The following TBK1 variants were observed in gnomAD, a reference collection of about 807,000 sequenced individuals.
TBK1 encodes TANK binding kinase 1.
TBK1 carries 37 observed loss-of-function variants against 99.9 expected under a neutral mutation model. That is an observed-to-expected ratio of 0.37 (90% CI 0.28 to 0.49). TBK1 has a LOEUF of 0.49. TBK1 is among the 20% of genes least tolerant of loss of function. The pLI is 0.98. For missense variants in TBK1, 644 were observed against 872.5 expected (o/e 0.74, Z 3.30); for synonymous variants, 258 against 279.8 (o/e 0.92, Z 0.78).
chr12:64,458,096 C>G (rs934560760), intron 2 of TBK1, among the ~76,000 whole-genome samples: 2 of 151,262 alleles, frequency 1.3e-5, no homozygotes, highest in South Asian at 2.1e-4. Context: ...AACACACACA[C>G]ACACACACAC....
At position 64,484,489 on chromosome 12, in the gene TBK1, A is replaced by G. The variant is rs755520364; in HGVS notation, c.1179A>G (p.Ile393Met). The G allele has an allele frequency of 5.2e-5, 83 of 1,593,946 alleles. No homozygotes were observed. The highest frequency in any genetic ancestry group is 1.7e-4 in the Middle Eastern group (1 of 5,944). Reference sequence around the variant, plus strand: ...AACCTCTGAATACCATAGGATTAATATATGAAAAAAGTAAGTTGGGATTTT... The same window carrying G: ...AACCTCTGAATACCATAGGATTAATGTATGAAAAAAGTAAGTTGGGATTTT... ...SREPLNTIGL[I>M]YEKISLPKVH... The change falls in exon 9 of 21, where the codon ATA becomes ATG. Residue 393 changes from isoleucine (I) to methionine (M), a missense_variant. Around this residue, in one of 3 missense-constraint regions of TBK1, gnomAD observed 465 missense variants for 588.0 expected, o/e 0.79. Coordinates refer to ENST00000331710, the MANE Select transcript of TBK1 (RefSeq NM_013254.4).
intron 1 of TBK1, chr12:64,452,982 C>A (rs915567844): frequency 3.3e-5 from 5 of 152,206 alleles, no homozygotes; most frequent in Non-Finnish European, 7.3e-5. Context: ...TAGGCCATGT[C>A]GTCAAACCTG....
At position 64,476,353 on chromosome 12, in the gene TBK1, T is replaced by C. The variant is rs186643679; in HGVS notation, c.701+1963T>C. The stretch of plus-strand genomic sequence containing the variant: ...TTTGTATTTTTTAGTAGAGACGGGG[T>C]TTCACCATGTTAGCCAGGATGGTCT... On this transcript the variant is annotated intron_variant, in intron 6 of 20. Transcript: ENST00000331710. Among the ~76,000 whole-genome samples the C allele has an allele frequency of 3.0e-3, 458 of 151,808 alleles. 1 individual carries two copies. Among genetic ancestry groups the C allele is most frequent in the African/African-American group, 9.6e-3 (398 of 41,392 alleles).
chr12:64,483,786 C>T (rs1171452930), intron 8 of TBK1, among the ~76,000 whole-genome samples: 1 of 152,154 alleles, frequency 6.6e-6, no homozygotes, highest in African/African-American at 2.4e-5. Flanking sequence ...GCAGGTGTAT[C>T]ACTTGAGGCC....
chr12:64,466,764 C>CT (rs746703897), intron 4 of TBK1, 137 bp from the exon 5 acceptor site: 120 of 386,070 alleles, frequency 3.1e-4, no homozygotes, highest in Non-Finnish European at 4.7e-4. Flanking sequence ...ATTATCTATT[C>CT]TTTGAGTAAA....
intron 3 of TBK1, among the ~76,000 whole-genome samples, chr12:64,461,010 G>A (rs1357502854): frequency 6.6e-6 from 1 of 151,750 alleles, no homozygotes; most frequent in Non-Finnish European, 1.5e-5. Flanking sequence ...GAGCCTGAGA[G>A]GTCAAGGCTA....
In TBK1 at chr12:64,485,463, C is replaced by A; in HGVS notation, c.1198C>A (p.Pro400Thr). 1 of 1,543,812 alleles carries A rather than the reference C, an allele frequency of 6.5e-7. No individual in the cohort carries two copies. The highest frequency in any genetic ancestry group is 1.2e-5 in the South Asian group (1 of 82,028). ...TTTACTTCATATTTCAGTTTCCCTC[C>A]CTAAAGTACATCCACGTTATGATTT... ...IGLIYEKISL[P>T]KVHPRYDLDG... is the part of the protein sequence containing the mutation. The change falls in exon 10 of 21, where the codon CCT becomes ACT. Residue 400 changes from proline to threonine, a missense_variant. Pro to Thr is a conservative substitution (Grantham distance 38). This residue lies in a region of TBK1 where 465 missense variants were observed against 588.0 expected (regional missense o/e 0.79). Transcript: ENST00000331710.
intron 11 of TBK1, 68 bp from the exon 12 acceptor site, chr12:64,488,419 T>C: frequency 1.1e-6 from 1 of 871,082 alleles, no homozygotes; most frequent in Admixed American, 3.0e-5. Context: ...AGTACTGCAG[T>C]ATAATTAGTG....
Position 64,479,036 on chromosome 12 carries a change from T to C in TBK1, c.702-976T>C, listed in dbSNP as rs1434107449. Among the ~76,000 whole-genome samples, 8 of 152,212 alleles carry C rather than the reference T, an allele frequency of 5.3e-5. No individual in the cohort carries two copies. The East Asian group carries it at 1.5e-3, about 29-fold the overall frequency. ...TTTTATTAGCACAGAAACTCAACTT[T>C]TTATGAACATTGATGCTAAAGAATG... On this transcript the variant is annotated intron_variant, in intron 6 of 20. Coordinates refer to ENST00000331710, the MANE Select transcript of TBK1 (RefSeq NM_013254.4).
chr12:64,494,293 A>G (rs2040902168), intron 13 of TBK1, among the ~76,000 whole-genome samples: 1 of 149,968 alleles, frequency 6.7e-6, no homozygotes, highest in Admixed American at 6.7e-5. Context: ...TGAAACCCCA[A>G]CTCTACCAAA....
chr12:64,463,966 T>C (rs544120578), intron 3 of TBK1, among the ~76,000 whole-genome samples: 5 of 151,732 alleles, frequency 3.3e-5, no homozygotes, highest in Non-Finnish European at 1.5e-5. Context: ...CAGGTTCAAG[T>C]GATTCTCCTG....
chr12:64,466,934 T>C lies in TBK1; in HGVS notation c.392T>C (p.Ile131Thr). Residue 131 changes from isoleucine to threonine, a missense_variant, in exon 5 of 21, where the codon ATA becomes ACA. Ile to Thr is a moderately conservative substitution (Grantham distance 89). This residue lies in a region of TBK1 where 148 missense variants were observed against 202.1 expected (regional missense o/e 0.73). Transcript: ENST00000331710. ...ATGAATCATCTACGAGAGAATGGTATAGTGCACCGTGATATCAAGCCAGGA... is the reference window on the plus strand; with the variant it reads ...ATGAATCATCTACGAGAGAATGGTACAGTGCACCGTGATATCAAGCCAGGA... Reference protein sequence around the residue: ...GGMNHLRENGIVHRDIKPGNI... With the variant: ...GGMNHLRENGTVHRDIKPGNI... The C allele has an allele frequency of 2.5e-6, 4 of 1,610,224 alleles. No homozygotes were observed. Among genetic ancestry groups the C allele is most frequent in the Non-Finnish European group, 3.4e-6 (4 of 1,178,264 alleles).
At chr12:64,470,119 G>C (rs2040646666) in intron 5 of TBK1, among the ~76,000 whole-genome samples, 2 of 152,130 alleles carry the variant, frequency 1.3e-5, no homozygotes, top group Admixed American at 6.5e-5. Flanking sequence ...GCAAGTGGAA[G>C]GACTTAGAAT....
intron 3 of TBK1, among the ~76,000 whole-genome samples, chr12:64,462,419 T>C (rs959177155): frequency 6.6e-6 from 1 of 152,356 alleles, no homozygotes. Context: ...TCTTAACATA[T>C]ACAGTGTAAT....
In TBK1 at chr12:64,495,701, T is replaced by C. The variant is rs2040918698; in HGVS notation, c.1646T>C (p.Val549Ala). Residue 549 changes from valine to alanine, a missense_variant and splice_region_variant, in exon 15 of 21, where the codon GTA becomes GCA. By Grantham distance (64) the Val-to-Ala change is moderately conservative. Transcript: ENST00000331710. ...TTGAGTTTTTCTTCCTTAAATAGTG[T>C]AGAAAAACTACAAGTCCTGTTAAAT... is the stretch of plus-strand genomic sequence containing the variant. The part of the protein sequence containing the change: ...QEGTHPKDRN[V>A]EKLQVLLNCM... The C allele has an allele frequency of 1.9e-6, 3 of 1,610,966 alleles. No individual in the cohort carries two copies. The African/African-American group carries it at 4.0e-5, about 22-fold the overall frequency.
chr12:64,483,334 G>A (rs2040786386), intron 8 of TBK1, among the ~76,000 whole-genome samples: 1 of 152,142 alleles, frequency 6.6e-6, no homozygotes, highest in African/African-American at 2.4e-5. Context: ...ACACAGTGGA[G>A]GCTTGTAGAG....
intron 2 of TBK1, among the ~76,000 whole-genome samples, chr12:64,456,541 C>T (rs1241291078): frequency 6.6e-6 from 1 of 152,058 alleles, no homozygotes; most frequent in African/African-American, 2.4e-5. Context: ...CCCAGAGGCA[C>T]TTCAAGAACC....
At position 64,493,777 on chromosome 12, in the gene TBK1, G is replaced by A. The variant is rs181842105; in HGVS notation, c.1522-1706G>A. ...ACCCAGCAAAGGCCCTTTTTAATAA[G>A]CCTTCCAGGTGATTCTCATGCTGCT... On this transcript the variant is annotated intron_variant, in intron 13 of 20. Coordinates refer to ENST00000331710, the MANE Select transcript of TBK1 (RefSeq NM_013254.4). Among the ~76,000 whole-genome samples, 247 of 152,308 alleles carry A rather than the reference G, an allele frequency of 1.6e-3. 1 individual carries two copies. Among genetic ancestry groups the A allele is most frequent in the African/African-American group, 5.7e-3 (237 of 41,566 alleles).
chr12:64,496,918 G>A (rs1231020067), intron 16 of TBK1, 31 bp from the exon 17 acceptor site: 2 of 1,491,216 alleles, frequency 1.3e-6, no homozygotes, highest in South Asian at 1.2e-5. Flanking sequence ...AGTGACATTG[G>A]TTTAAGCCTC....
Sources: gnomAD v4.1 joint callset for allele counts (sites outside exome capture counted in the v4.1 genomes callset) on GRCh38, gnomAD v4.1.1 for gene constraint, gnomAD v4.1.1 regional missense constraint, MANE v1.5 for transcripts, NCBI Gene and HGNC (gene_info 2026-07-23, HGNC 2026-07-21) for gene names.